KDM4D: variants seen among roughly 807,000 people sequenced by gnomAD.
KDM4D encodes lysine-specific demethylase 4D.
For synonymous variants in KDM4D, 254 were observed against 249.1 expected, an observed-to-expected ratio of 1.02 and a Z score of -0.19; for missense variants, 427 against 674.8, an observed-to-expected ratio of 0.63 and a Z score of 4.07.
chr11:94,995,968 C>G (rs1210592818), intron 2 of KDM4D, among the ~76,000 whole-genome samples: 1 of 152,076 alleles, frequency 6.6e-6, no homozygotes, highest in Non-Finnish European at 1.5e-5. Flanking sequence ...TAGATTGGTC[C>G]ATGTAGGGCT....
Position 94,998,903 on chromosome 11 carries a change from C to T in KDM4D, c.1531C>T (p.Pro511Ser), listed in dbSNP as rs782791007. Residue 511 changes from proline to serine, a missense_variant, in exon 3 of 3, where the codon CCT (proline) becomes TCT (serine). Pro to Ser is a moderately conservative substitution (Grantham distance 74). Transcript: ENST00000335080. The surrounding 1 kb of genome is among the most constrained non-coding windows in gnomAD (Gnocchi z 6.7). ...PVPLSPGLQHPVKASGCSWAP... is the reference protein window; with the variant it reads ...PVPLSPGLQHSVKASGCSWAP... ...ACCACTGAGCCCAGGGCTCCAGCAT[C>T]CTGTCAAGGCTTCTGGGTGCAGCTG... The T allele has an allele frequency of 3.8e-5, 57 of 1,514,964 alleles. No homozygotes were observed. Among genetic ancestry groups the T allele is most frequent in the Non-Finnish European group, 4.8e-5 (54 of 1,131,694 alleles). 93.8% of individuals were successfully genotyped at this position (1,514,964 alleles called of 1,614,324 possible).
rs367635339 is a variant in KDM4D at position 94,974,081 on chromosome 11, C to CA, written c.-445+18dup. The CA allele has an allele frequency of 6.6e-6, 1 of 152,172 alleles. No homozygotes were observed. The highest frequency in any genetic ancestry group is 1.5e-5 in the Non-Finnish European group (1 of 68,036). 9.4% of individuals were successfully genotyped at this position (152,172 alleles called of 1,614,324 possible). On this transcript the variant is annotated intron_variant, in intron 1 of 2. Coordinates refer to ENST00000335080, the MANE Select transcript of KDM4D (RefSeq NM_018039.3). ...GATCTTTACAAAGGTACCATTCCTGCAAAAATATTAACACTTCAAAGCAAA... is the reference window on the plus strand; with the variant it reads ...GATCTTTACAAAGGTACCATTCCTGCAAAAAATATTAACACTTCAAAGCAAA...
intron 2 of KDM4D, among the ~76,000 whole-genome samples, chr11:94,981,987 A>G (rs1367143815): frequency 6.6e-6 from 1 of 150,926 alleles, no homozygotes; most frequent in African/African-American, 2.4e-5. Context: ...TTTTAATGCT[A>G]TTTACCTGCA....
At chr11:94,977,842 A>G (rs1448137777) in intron 2 of KDM4D, among the ~76,000 whole-genome samples, 1 of 152,176 alleles carries the variant, frequency 6.6e-6, no homozygotes, top group African/African-American at 2.4e-5. Context: ...CCTGGCACCA[A>G]TAGCTACCCA....
chr11:94,974,366 T>C (rs1555096726), intron 1 of KDM4D, among the ~76,000 whole-genome samples: 1 of 152,240 alleles, frequency 6.6e-6, no homozygotes, highest in Non-Finnish European at 1.5e-5. Flanking sequence ...ATCTTGGTTG[T>C]TTAGCTCATC....
intron 2 of KDM4D, among the ~76,000 whole-genome samples, chr11:94,976,423 G>A (rs1313588727): frequency 2.6e-5 from 4 of 151,818 alleles, no homozygotes; most frequent in South Asian, 2.1e-4. Context: ...CCTTTTTTCC[G>A]CAGATCTATC....
Position 94,998,764 on chromosome 11 carries a change from G to C in KDM4D, c.1392G>C (p.Glu464Asp). ...CTCCTCAGAAACTGAGAGCTCAGGA[G>C]CTGACCCTCCAGACTCCAGCCAAGA... ...GRPPQKLRAQELTLQTPAKRP... is the reference protein window; with the variant it reads ...GRPPQKLRAQDLTLQTPAKRP... Residue 464 changes from glutamate to aspartate, a missense_variant, in exon 3 of 3, where the codon GAG becomes GAC. Glu to Asp is a conservative substitution (Grantham distance 45, BLOSUM62 2). Coordinates refer to ENST00000335080, the MANE Select transcript of KDM4D (RefSeq NM_018039.3). This position sits in a 1 kb window ranked among gnomAD's most constrained non-coding sequence, Gnocchi z 6.7. The C allele has an allele frequency of 6.2e-7, 1 of 1,612,194 alleles. No homozygotes were observed. Among genetic ancestry groups the C allele is most frequent in the African/African-American group, 1.3e-5 (1 of 74,988 alleles).
chr11:94,991,472 G>C (rs933922678), intron 2 of KDM4D, among the ~76,000 whole-genome samples: 3 of 152,078 alleles, frequency 2.0e-5, no homozygotes, highest in Non-Finnish European at 4.4e-5. Flanking sequence ...TATTTCTAGA[G>C]AGGTAAAAGA....
At chr11:94,981,141 T>C (rs1419512411) in intron 2 of KDM4D, among the ~76,000 whole-genome samples, 3 of 152,134 alleles carry the variant, frequency 2.0e-5, no homozygotes, top group Non-Finnish European at 2.9e-5. Flanking sequence ...TTTCTCTGCA[T>C]CTAATGAGAT....
rs372299295 is a variant in KDM4D, at chr11:94,998,803, G to A, written c.1431G>A (p.Ala477=). The A allele has an allele frequency of 2.0e-5, 32 of 1,605,100 alleles. No homozygotes were observed. The highest frequency in any genetic ancestry group is 1.7e-4 in the Middle Eastern group (1 of 6,016). ...CTCCAGCCAAGAGGCCCCTCTTGGC[G>A]GGCACAACATGCACAGCTTCGGGCC... ...LQTPAKRPLL[A]GTTCTASGPE... The change falls in exon 3 of 3, where the codon GCG becomes GCA. Residue 477 remains alanine (A), a synonymous_variant. Transcript: ENST00000335080. The surrounding 1 kb of genome is among the most constrained non-coding windows in gnomAD (Gnocchi z 6.7).
intron 2 of KDM4D, among the ~76,000 whole-genome samples, chr11:94,982,572 T>G (rs1351374673): frequency 6.7e-6 from 1 of 149,822 alleles, no homozygotes; most frequent in East Asian, 1.9e-4. Flanking sequence ...GACATGACTA[T>G]TAAAAAAAGA....
At chr11:94,993,441 C>T (rs1344501746) in intron 2 of KDM4D, among the ~76,000 whole-genome samples, 3 of 151,156 alleles carry the variant, frequency 2.0e-5, no homozygotes, top group Admixed American at 6.6e-5. Flanking sequence ...ATTGAAGACT[C>T]ATAGAGAAGT....
chr11:94,981,461 C>T (rs1857842342), intron 2 of KDM4D, among the ~76,000 whole-genome samples: 1 of 151,814 alleles, frequency 6.6e-6, no homozygotes, highest in East Asian at 1.9e-4. Context: ...CTTGGTGTAG[C>T]CATCTGGGCC....
At chr11:94,983,727 C>T (rs782816743) in intron 2 of KDM4D, among the ~76,000 whole-genome samples, 16 of 146,212 alleles carry the variant, frequency 1.1e-4, no homozygotes, top group Admixed American at 8.0e-4. Flanking sequence ...ACAATAATAA[C>T]AACAACAACA....
chr11:94,979,263 T>G (rs587722652), intron 2 of KDM4D, among the ~76,000 whole-genome samples: 1 of 152,268 alleles, frequency 6.6e-6, no homozygotes, highest in African/African-American at 2.4e-5. Flanking sequence ...AGAGTCTCAC[T>G]CTGTCACCCA....
chr11:94,993,694 T>G (rs1305412913), intron 2 of KDM4D, among the ~76,000 whole-genome samples: 2 of 152,072 alleles, frequency 1.3e-5, no homozygotes, highest in Non-Finnish European at 2.9e-5. Context: ...ACCCAAAGCT[T>G]ATTTTACTTG....
intron 2 of KDM4D, among the ~76,000 whole-genome samples, chr11:94,984,914 A>T (rs1857872242): frequency 6.6e-6 from 1 of 152,140 alleles, no homozygotes; most frequent in Non-Finnish European, 1.5e-5. Context: ...ATGGACACCC[A>T]AACATGGACA....
At chr11:94,987,003 A>G (rs1320898023) in intron 2 of KDM4D, among the ~76,000 whole-genome samples, 1 of 152,250 alleles carries the variant, frequency 6.6e-6, no homozygotes, top group Admixed American at 6.5e-5. Flanking sequence ...AAATACTGAT[A>G]TATACTACAA....
chr11:94,999,095 T>G lies in KDM4D; in HGVS notation c.*151T>G. 2 of 635,732 alleles carry G rather than the reference T, an allele frequency of 3.1e-6. No homozygotes were observed. The highest frequency in any genetic ancestry group is 4.9e-6 in the Non-Finnish European group (2 of 411,544). The allele number at this position is 635,732 out of a possible 1,614,324, so 39.4% of individuals were successfully genotyped here. On this transcript the variant is annotated 3_prime_UTR_variant, in exon 3 of 3. Transcript: ENST00000335080. ...GGTGATGCCCTTGGATGCTGCCAAGTCCATGGTAGTTTTCAATTTTGCCAT... is the reference window on the plus strand; with the variant it reads ...GGTGATGCCCTTGGATGCTGCCAAGGCCATGGTAGTTTTCAATTTTGCCAT...
Sources: allele counts gnomAD v4.1 joint callset (sites outside exome capture counted in the v4.1 genomes callset), GRCh38; gene constraint gnomAD v4.1.1; non-coding constraint Gnocchi (gnomAD v3.1); transcripts MANE v1.5; gene names NCBI Gene and HGNC (gene_info 2026-07-23, HGNC 2026-07-21).